CDK19: variants seen among roughly 807,000 people sequenced by gnomAD.
The protein encoded by CDK19 is cyclin dependent kinase 19.
A neutral mutation model predicts 68.3 loss-of-function variants in CDK19; 20 were observed. The ratio of observed to expected loss-of-function variants is 0.29; its 90% confidence interval spans 0.21 to 0.43. The LOEUF is 0.43. Among genes scored for constraint, CDK19 ranks in the 20% least tolerant of loss-of-function variants. The pLI is 1.00. For missense variants in CDK19, 339 were observed against 623.5 expected (o/e 0.54, Z 4.86); for synonymous variants, 221 against 222.8 (o/e 0.99, Z 0.07).
In CDK19 at chr6:110,732,283, G is replaced by A. The variant is rs149640962; in HGVS notation, c.204+13843C>T. Among the ~76,000 whole-genome samples the A allele has an allele frequency of 7.3e-3, 1,108 of 152,024 alleles. 7 individuals are homozygous for A. The highest frequency in any genetic ancestry group is 0.02 in the Middle Eastern group (6 of 294). ...GATGGAGGCAGGTGGATCACTTTAG[G>A]TTAGGAATTTGAGACTAGCCTGGCT... On this transcript the variant is annotated intron_variant, in intron 2 of 12. Coordinates refer to ENST00000368911, the MANE Select transcript of CDK19 (RefSeq NM_015076.5).
intron 2 of CDK19, among the ~76,000 whole-genome samples, chr6:110,687,479 G>A (rs1320223984): frequency 6.6e-6 from 1 of 152,202 alleles, no homozygotes; most frequent in Non-Finnish European, 1.5e-5. Flanking sequence ...AATAAGGAAA[G>A]CAGCTAAATG....
At chr6:110,616,950 G>A (rs1778351916) in intron 12 of CDK19, among the ~76,000 whole-genome samples, 1 of 152,076 alleles carries the variant, frequency 6.6e-6, no homozygotes, top group Non-Finnish European at 1.5e-5. Flanking sequence ...GCTTTTCAAA[G>A]CGCTAATTGT....
Position 110,610,132 on chromosome 6 carries a change from C to G in CDK19, c.*4403G>C. 6.6e-6 allele frequency: 1 copy of G among 152,196 alleles called. No individual in the cohort carries two copies. Among genetic ancestry groups the G allele is most frequent in the African/African-American group, 2.4e-5 (1 of 41,436 alleles). The allele number at this position is 152,196 out of a possible 1,614,324, so 9.4% of individuals were successfully genotyped here. ...GTAGCTCGTCCTGCACTCCATGGAG[C>G]AGGCCTCGCTGGGGTGCAGCGGCTC... is the stretch of plus-strand genomic sequence containing the variant. On this transcript the variant is annotated 3_prime_UTR_variant, in exon 13 of 13. Transcript: ENST00000368911.
chr6:110,662,530 T>C (rs1781684195), intron 4 of CDK19, among the ~76,000 whole-genome samples: 2 of 152,196 alleles, frequency 1.3e-5, no homozygotes. Flanking sequence ...AATGTGAAAT[T>C]GCCAGATGCC....
chr6:110,699,424 CAAAAAAAAA>C (rs34728164), intron 2 of CDK19, among the ~76,000 whole-genome samples: 1 of 93,756 alleles, frequency 1.1e-5, no homozygotes. Context: ...GACTTCGTCT[CAAAAAAAAA>C]AAAAAAAAGC....
intron 2 of CDK19, among the ~76,000 whole-genome samples, chr6:110,684,697 C>T (rs1448556229): frequency 6.6e-6 from 1 of 152,126 alleles, no homozygotes; most frequent in African/African-American, 2.4e-5. Flanking sequence ...TCCCAAGATG[C>T]ATCATACAAT....
At chr6:110,716,302 G>A (rs1775386672) in intron 2 of CDK19, among the ~76,000 whole-genome samples, 1 of 151,798 alleles carries the variant, frequency 6.6e-6, no homozygotes, top group Non-Finnish European at 1.5e-5. Context: ...GAATTAATAA[G>A]CATTTCTATA....
chr6:110,722,690 C>T (rs1775993081), intron 2 of CDK19, among the ~76,000 whole-genome samples: 1 of 151,996 alleles, frequency 6.6e-6, no homozygotes, highest in Admixed American at 6.6e-5. Context: ...GCCTAGGCAA[C>T]ATAAGGAGAC....
chr6:110,776,713 CTAAGT>C (rs1190642195), intron 1 of CDK19, among the ~76,000 whole-genome samples: 3 of 152,172 alleles, frequency 2.0e-5, no homozygotes, highest in South Asian at 2.1e-4. Flanking sequence ...TTGTGACATT[CTAAGT>C]TAAGTGCATT....
At chr6:110,807,617 G>A (rs1583148598) in intron 1 of CDK19, among the ~76,000 whole-genome samples, 1 of 152,016 alleles carries the variant, frequency 6.6e-6, no homozygotes, top group South Asian at 2.1e-4. Context: ...GTACTACCAC[G>A]CCCGGCTAAT....
chr6:110,802,988 A>G (rs1464401224), intron 1 of CDK19, among the ~76,000 whole-genome samples: 3 of 152,252 alleles, frequency 2.0e-5, no homozygotes, highest in Non-Finnish European at 4.4e-5. Flanking sequence ...AGTAAGCAAC[A>G]GCAAAACTTA....
chr6:110,731,309 A>G (rs1398793139), intron 2 of CDK19, among the ~76,000 whole-genome samples: 1 of 152,232 alleles, frequency 6.6e-6, no homozygotes, highest in Non-Finnish European at 1.5e-5. Context: ...AATCTTCACA[A>G]CCTTCAGTGT....
chr6:110,670,884 TA>T (rs1425431213), intron 2 of CDK19: 1 of 409,340 alleles, frequency 2.4e-6, no homozygotes. Context: ...TATCATTAAA[TA>T]ATTAATTACA....
At chr6:110,715,192 C>T (rs1220351808) in intron 2 of CDK19, among the ~76,000 whole-genome samples, 1 of 152,144 alleles carries the variant, frequency 6.6e-6, no homozygotes, top group East Asian at 1.9e-4. Flanking sequence ...TTTCCTCACC[C>T]TCCTCTGAAT....
At chr6:110,658,943 C>T (rs768620123) in intron 4 of CDK19, among the ~76,000 whole-genome samples, 8 of 152,158 alleles carry the variant, frequency 5.3e-5, no homozygotes, top group Non-Finnish European at 8.8e-5. Flanking sequence ...TTTGGTGGAA[C>T]TGAGGGTCAA....
intron 2 of CDK19, among the ~76,000 whole-genome samples, chr6:110,714,938 T>C (rs1472386908): frequency 1.3e-5 from 2 of 152,044 alleles, no homozygotes; most frequent in African/African-American, 4.8e-5. Context: ...TTCACCATGT[T>C]GTCCAGGCTG....
chr6:110,668,489 T>C (rs1782085185), intron 3 of CDK19, among the ~76,000 whole-genome samples: 1 of 152,148 alleles, frequency 6.6e-6, no homozygotes, highest in Non-Finnish European at 1.5e-5. Flanking sequence ...TGATTTCCAG[T>C]AGAAATATAC....
chr6:110,690,290 C>T (rs1324450145), intron 2 of CDK19, among the ~76,000 whole-genome samples: 1 of 151,882 alleles, frequency 6.6e-6, no homozygotes, highest in Non-Finnish European at 1.5e-5. Flanking sequence ...AGAACATCAA[C>T]ATTCCTGCAG....
intron 1 of CDK19, among the ~76,000 whole-genome samples, chr6:110,804,263 A>G (rs538326440): frequency 2.0e-5 from 3 of 152,218 alleles, no homozygotes; most frequent in Non-Finnish European, 4.4e-5. Context: ...AATAGAAAAT[A>G]CACAATAGGT....
Sources: gnomAD v4.1 joint callset for allele counts (sites outside exome capture counted in the v4.1 genomes callset) on GRCh38, gnomAD v4.1.1 for gene constraint, MANE v1.5 for transcripts, NCBI Gene and HGNC (gene_info 2026-07-23, HGNC 2026-07-21) for gene names.